Variants in DMAC1 observed in about 807,000 individuals in gnomAD.
DMAC1 encodes distal membrane-arm assembly complex protein 1.
A neutral mutation model predicts 7.0 loss-of-function variants in DMAC1; 10 were observed. That is an observed-to-expected ratio of 1.43 (90% confidence interval 0.88 to 2.43). The LOEUF (loss-of-function observed/expected upper bound fraction) is 2.43. Among genes scored for constraint, DMAC1 ranks in the 30% most tolerant of loss-of-function variants. The probability of loss-of-function intolerance (pLI) is 0.00; values close to 1 mark genes in which losing one functional copy is unlikely to be tolerated. For missense variants in DMAC1, 219 were observed against 158.7 expected (o/e 1.38, Z -2.04); for synonymous variants, 92 against 66.2 (o/e 1.39, Z -1.90).
rs1363869335 is a variant in DMAC1 at position 7,798,030 on chromosome 9, C to A, written c.*543G>T. On this transcript the variant is annotated 3_prime_UTR_variant, in exon 2 of 2. Transcript: ENST00000358227. ...AGCAATTCATACACAGAAAATTTCA[C>A]GTACTTCTATATATTGCATGATGCC... 2.0e-5 allele frequency: 3 copies of A among 152,188 alleles called. No homozygotes were observed. The highest frequency in any genetic ancestry group is 7.2e-5 in the African/African-American group (3 of 41,422). 9.4% of individuals were successfully genotyped at this position (152,188 alleles called of 1,614,324 possible). A position where few individuals can be genotyped will look rare whatever the true frequency, so the allele number is the denominator to read the frequency against.
chr9:7,798,526 C>T lies in DMAC1; in HGVS notation c.*47G>A, dbSNP rs1818663971. ...TAAATTCCATGCCTGCTGTGTGTGTCACGGGGAAAGGGACAGAGACAGAAG... is the reference window on the plus strand; with the variant it reads ...TAAATTCCATGCCTGCTGTGTGTGTTACGGGGAAAGGGACAGAGACAGAAG... On this transcript the variant is annotated 3_prime_UTR_variant, in exon 2 of 2. Transcript: ENST00000358227. 1 of 1,603,478 alleles carries T rather than the reference C, an allele frequency of 6.2e-7. No homozygotes were observed. The highest frequency in any genetic ancestry group is 1.3e-5 in the African/African-American group (1 of 74,696).
chr9:7,799,357 G>A, intron 1 of DMAC1, 104 bp downstream of exon 1: 3 of 1,358,458 alleles, frequency 2.2e-6, no homozygotes, highest in Non-Finnish European at 2.9e-6. Context: ...CCTGACCAGC[G>A]GCAGCACCCC....
rs111572163 is a variant in DMAC1, at chr9:7,798,404, T to C, written c.*169A>G. 2.1e-4 allele frequency: 155 copies of C among 741,308 alleles called. No individual in the cohort carries two copies. Among genetic ancestry groups the C allele is most frequent in the African/African-American group, 1.6e-3 (93 of 58,380 alleles). The allele number at this position is 741,308 out of a possible 1,614,324, so 45.9% of individuals were successfully genotyped here. On this transcript the variant is annotated 3_prime_UTR_variant, in exon 2 of 2. Coordinates refer to ENST00000358227, the MANE Select transcript of DMAC1 (RefSeq NM_033428.3). The stretch of plus-strand genomic sequence containing the variant: ...ATCTGTGAAGGCCACAAACACTCCA[T>C]AGCCAGAGAATGACAACATACGATT...
In DMAC1 at chr9:7,797,830, A is replaced by C. The variant is rs1818644060; in HGVS notation, c.*743T>G. On this transcript the variant is annotated 3_prime_UTR_variant, in exon 2 of 2. Coordinates refer to ENST00000358227, the MANE Select transcript of DMAC1 (RefSeq NM_033428.3). ...TGCCTCCATGAAAGGGAAGACTAGA[A>C]CAAAAAACTGACAAGAACAAGTTCT... 1 of 152,230 alleles carries C rather than the reference A, an allele frequency of 6.6e-6. No homozygotes were observed. The highest frequency in any genetic ancestry group is 2.1e-4 in the South Asian group (1 of 4,832). The allele number at this position is 152,230 out of a possible 1,614,324, so 9.4% of individuals were successfully genotyped here. A position where few individuals can be genotyped will look rare whatever the true frequency, so the allele number is the denominator to read the frequency against.
In DMAC1 at chr9:7,798,248, TAA is replaced by T. The variant is rs373317184; in HGVS notation, c.*323_*324del. Reference sequence around the variant, plus strand: ...ATATATAATATGACATGCAATTATATAAGACATACTATTATGTTTATATATAA... The same window carrying T: ...ATATATAATATGACATGCAATTATATGACATACTATTATGTTTATATATAA... On this transcript the variant is annotated 3_prime_UTR_variant, in exon 2 of 2. Transcript: ENST00000358227. 7.7e-4 allele frequency: 163 copies of T among 210,662 alleles called. No individual in the cohort carries two copies. The highest frequency in any genetic ancestry group is 1.3e-3 in the Non-Finnish European group (132 of 104,246). The allele number at this position is 210,662 out of a possible 1,614,324, so 13.0% of individuals were successfully genotyped here.
intron 1 of DMAC1, among the ~76,000 whole-genome samples, 166 bp from the exon 2 acceptor site, chr9:7,798,803 G>GA (rs959742602): frequency 6.6e-6 from 1 of 151,622 alleles, no homozygotes; most frequent in African/African-American, 2.4e-5. Flanking sequence ...AAAAAATCAG[G>GA]AAAAAAAAGA....
Position 7,798,507 on chromosome 9 carries a change from C to G in DMAC1, c.*66G>C. ...GTCTGTCCAGAACACCCATTAAATT[C>G]CATGCCTGCTGTGTGTGTCACGGGG... is the stretch of plus-strand genomic sequence containing the variant. On this transcript the variant is annotated 3_prime_UTR_variant, in exon 2 of 2. Transcript: ENST00000358227. The G allele has an allele frequency of 6.4e-7, 1 of 1,559,050 alleles. No individual in the cohort carries two copies.
chr9:7,799,428 C>A (rs781660625), intron 1 of DMAC1, 33 bp downstream of exon 1: 1 of 1,609,592 alleles, frequency 6.2e-7, no homozygotes, highest in East Asian at 2.2e-5. Flanking sequence ...CGCAGATACC[C>A]AACCCGCCCA....
In DMAC1 at chr9:7,799,758, T is replaced by C. The variant is rs546514365; in HGVS notation, c.-24A>G. 6.5e-5 allele frequency: 97 copies of C among 1,500,416 alleles called. 1 individual carries two copies. In the South Asian group the frequency reaches 1.1e-3, roughly 17 times the overall value. The allele number at this position is 1,500,416 out of a possible 1,614,324, so 92.9% of individuals were successfully genotyped here. A position where few individuals can be genotyped will look rare whatever the true frequency, so the allele number is the denominator to read the frequency against. The stretch of plus-strand genomic sequence containing the variant: ...ATGCTCTGGAACTCGGCCTCAACCT[T>C]GGGCGTCTTTGGTTCAAACTGGCGT... On this transcript the variant is annotated 5_prime_UTR_variant, in exon 1 of 2. Transcript: ENST00000358227.
chr9:7,799,422 G>A lies in DMAC1; in HGVS notation c.274+39C>T, dbSNP rs757699777. ...CTCCGTTTCCTTCCTCTACCCCGCA[G>A]ATACCCAACCCGCCCAAGTGCTGTG... On this transcript the variant is annotated intron_variant, in intron 1 of 1. Transcript: ENST00000358227. 6 of 1,606,806 alleles carry A rather than the reference G, an allele frequency of 3.7e-6. No individual in the cohort carries two copies. In the African/African-American group the frequency reaches 8.1e-5, roughly 22 times the overall value.
chr9:7,799,384 G>A, intron 1 of DMAC1, 77 bp downstream of exon 1: 5 of 1,515,574 alleles, frequency 3.3e-6, no homozygotes, highest in East Asian at 2.5e-5. Flanking sequence ...CCGCCTCCCC[G>A]CCCACGTGGC....
chr9:7,799,640 G>C lies in DMAC1; in HGVS notation c.95C>G (p.Pro32Arg), dbSNP rs745628156. ...APAKPAPPAT[P>R]GAPTSPAEHR... ...TTCTGCTGGGGAGGTCGGCGCTCCG[G>C]GTGTAGCTGGGGGCGCAGGTTTGGC... The change falls in exon 1 of 2, where the codon CCC becomes CGC. Residue 32 changes from proline to arginine, a missense_variant. Physicochemically the swap from Pro to Arg is moderately radical, Grantham distance 103 (BLOSUM62 -2). Transcript: ENST00000358227. The C allele has an allele frequency of 1.9e-6, 3 of 1,612,544 alleles. No individual in the cohort carries two copies. The East Asian group carries it at 6.7e-5, about 36-fold the overall frequency.
Position 7,799,663 on chromosome 9 carries a change from G to A in DMAC1, c.72C>T (p.Ala24=), listed in dbSNP as rs557764771. ...CGGGTGTAGCTGGGGGCGCAGGTTT[G>A]GCGGGCGCGGCGGCGGTACCGGGAG... ...TAPPGTAAAP[A]KPAPPATPGA... The change falls in exon 1 of 2, where the codon GCC becomes GCT. Residue 24 remains alanine (A), a synonymous_variant. Coordinates refer to ENST00000358227, the MANE Select transcript of DMAC1 (RefSeq NM_033428.3). 5 of 1,608,180 alleles carry A rather than the reference G, an allele frequency of 3.1e-6. No individual in the cohort carries two copies. The Admixed American group carries it at 5.0e-5, about 16-fold the overall frequency.
At position 7,799,576 on chromosome 9, in the gene DMAC1, A is replaced by C. The variant is rs1300959189; in HGVS notation, c.159T>G (p.Leu53=). The C allele has an allele frequency of 4.3e-6, 7 of 1,613,346 alleles. No individual in the cohort carries two copies. Among genetic ancestry groups the C allele is most frequent in the Non-Finnish European group, 5.9e-6 (7 of 1,179,930 alleles). The change falls in exon 1 of 2, where the codon CTT becomes CTG. Residue 53 remains leucine (L), a synonymous_variant. Coordinates refer to ENST00000358227, the MANE Select transcript of DMAC1 (RefSeq NM_033428.3). ...CCGCCCCCATCAGCCCCAACCCAGA[A>C]AGCACGCGACAGCTCCAGCAGGTCT... ...LLKTCWSCRV[L]SGLGLMGAGG...
chr9:7,799,376 GCC>G (rs1818690035), intron 1 of DMAC1, 83 bp downstream of exon 1: 2 of 1,486,878 alleles, frequency 1.3e-6, no homozygotes, highest in East Asian at 2.5e-5. Context: ...CCGCCTCCCC[GCC>G]TCCCCGCCCA....
chr9:7,798,612 G>A lies in DMAC1; in HGVS notation c.300C>T (p.Val100=), dbSNP rs370421694. ...GLSIATWGIV[V]MADPKGKAYR... ...AGGCCTTCCCTTTGGGGTCTGCCAT[G>A]ACAACGATACCCCAGGTGGCAATGC... Residue 100 remains valine, a synonymous_variant, in exon 2 of 2, where the codon GTC becomes GTT. Coordinates refer to ENST00000358227, the MANE Select transcript of DMAC1 (RefSeq NM_033428.3). The A allele has an allele frequency of 6.3e-7, 1 of 1,598,990 alleles. No individual in the cohort carries two copies.
At position 7,799,596 on chromosome 9, in the gene DMAC1, A is replaced by G; in HGVS notation, c.139T>C (p.Cys47Arg). ...CCAGAAAGCACGCGACAGCTCCAGC[A>G]GGTCTTCAACAGGCGGTGTTCTGCT... ...SPAEHRLLKTCWSCRVLSGLG... is the reference protein window; with the variant it reads ...SPAEHRLLKTRWSCRVLSGLG... Residue 47 changes from cysteine (C) to arginine (R), a missense_variant, in exon 1 of 2, where the codon TGC (cysteine) becomes CGC (arginine). Cys to Arg is a radical substitution (Grantham distance 180). Coordinates refer to ENST00000358227, the MANE Select transcript of DMAC1 (RefSeq NM_033428.3). The G allele has an allele frequency of 6.2e-7, 1 of 1,613,720 alleles. No homozygotes were observed. Among genetic ancestry groups the G allele is most frequent in the South Asian group, 1.1e-5 (1 of 91,048 alleles).
In DMAC1 at chr9:7,798,623, C is replaced by G; in HGVS notation, c.289G>C (p.Gly97Arg). Reference sequence around the variant, plus strand: ...TTGGGGTCTGCCATGACAACGATACCCCAGGTGGCAATGCCTAGAAAAAAA... The same window carrying G: ...TTGGGGTCTGCCATGACAACGATACGCCAGGTGGCAATGCCTAGAAAAAAA... The part of the protein sequence containing the change: ...MVIGLSIATW[G>R]IVVMADPKGK... The change falls in exon 2 of 2, where the codon GGT (glycine) becomes CGT (arginine). Residue 97 changes from glycine to arginine, a missense_variant. Coordinates refer to ENST00000358227, the MANE Select transcript of DMAC1 (RefSeq NM_033428.3). 6.3e-7 allele frequency: 1 copy of G among 1,580,102 alleles called. No individual in the cohort carries two copies. The highest frequency in any genetic ancestry group is 8.6e-7 in the Non-Finnish European group (1 of 1,159,572).
rs751897465 is a variant in DMAC1 at position 7,797,181 on chromosome 9, A to G, written c.*1392T>C. 2 of 152,246 alleles carry G rather than the reference A, an allele frequency of 1.3e-5. No homozygotes were observed. The highest frequency in any genetic ancestry group is 2.1e-4 in the South Asian group (1 of 4,832). 9.4% of individuals were successfully genotyped at this position (152,246 alleles called of 1,614,324 possible). A position where few individuals can be genotyped will look rare whatever the true frequency, so the allele number is the denominator to read the frequency against. ...AGGTATTTTAGGTATATGAATGACC[A>G]TATGTATCTGCTTTGGGTCATCCAT... On this transcript the variant is annotated 3_prime_UTR_variant, in exon 2 of 2. Transcript: ENST00000358227.
Sources: allele counts gnomAD v4.1 joint callset (sites outside exome capture counted in the v4.1 genomes callset), GRCh38; gene constraint gnomAD v4.1.1; transcripts MANE v1.5; gene names NCBI Gene and HGNC (gene_info 2026-07-23, HGNC 2026-07-21).